The following PIGL variants were observed in gnomAD, a reference collection of about 807,000 sequenced individuals.
The protein encoded by PIGL is N-acetylglucosaminyl-phosphatidylinositol de-N-acetylase.
A neutral mutation model predicts 31.1 loss-of-function variants in PIGL; 22 were observed. That is an observed-to-expected ratio of 0.71 (90% CI 0.51 to 1.01). The LOEUF is 1.01. PIGL is among the 50% of genes least tolerant of loss of function. The pLI, the probability that PIGL is intolerant of heterozygous loss-of-function variation, is 0.00. For synonymous variants in PIGL, 131 were observed against 117.4 expected, an observed-to-expected ratio of 1.12 and a Z score of -0.75; for missense variants, 302 against 315.9, an observed-to-expected ratio of 0.96 and a Z score of 0.33.
chr17:16,217,265 C>G lies in PIGL; in HGVS notation c.39C>G (p.Val13=), dbSNP rs1328857845. ...AMWLLCVALA[V]LAWGFLWVWD... ...GGCTCCTGTGTGTGGCGTTGGCGGT[C>G]TTGGCATGGGGCTTCCTCTGGGTTT... is the stretch of plus-strand genomic sequence containing the variant. The change falls in exon 1 of 7, where the codon GTC becomes GTG. Residue 13 remains valine, a synonymous_variant. Coordinates refer to ENST00000225609, the MANE Select transcript of PIGL (RefSeq NM_004278.4). 6.2e-7 allele frequency: 1 copy of G among 1,614,050 alleles called. No individual in the cohort carries two copies. Among genetic ancestry groups the G allele is most frequent in the African/African-American group, 1.3e-5 (1 of 74,932 alleles).
chr17:16,219,801 G>A (rs980133403), intron 1 of PIGL, among the ~76,000 whole-genome samples: 1 of 151,760 alleles, frequency 6.6e-6, no homozygotes, highest in African/African-American at 2.4e-5. Context: ...CCTGACAAGT[G>A]ATCCACCCAC....
intron 2 of PIGL, among the ~76,000 whole-genome samples, chr17:16,299,275 C>A (rs1188332064): frequency 6.7e-6 from 1 of 148,658 alleles, no homozygotes; most frequent in Non-Finnish European, 1.5e-5. Context: ...GCCAACATGG[C>A]GAAACCCCAT....
At chr17:16,265,520 A>G (rs2092838475) in intron 2 of PIGL, among the ~76,000 whole-genome samples, 2 of 152,058 alleles carry the variant, frequency 1.3e-5, no homozygotes, top group East Asian at 1.9e-4. Flanking sequence ...AGGTGGGCAG[A>G]TCATGAGGTG....
intron 2 of PIGL, among the ~76,000 whole-genome samples, chr17:16,255,017 C>G (rs2092788224): frequency 6.6e-6 from 1 of 152,226 alleles, no homozygotes; most frequent in Non-Finnish European, 1.5e-5. Flanking sequence ...CATAAACTCT[C>G]TTCCTGTGAC....
intron 2 of PIGL, among the ~76,000 whole-genome samples, chr17:16,276,504 G>A (rs541967565): frequency 4.6e-5 from 7 of 152,290 alleles, no homozygotes; most frequent in East Asian, 1.9e-4. Flanking sequence ...AGGCCAAGGC[G>A]GGTGGATCAC....
intron 2 of PIGL, among the ~76,000 whole-genome samples, chr17:16,293,076 T>A (rs2092967571): frequency 6.6e-6 from 1 of 152,168 alleles, no homozygotes; most frequent in African/African-American, 2.4e-5. Flanking sequence ...ACTCAGATAG[T>A]TAGTCTAAAA....
intron 1 of PIGL, among the ~76,000 whole-genome samples, chr17:16,228,354 A>C (rs1329286159): frequency 6.6e-6 from 1 of 151,466 alleles, no homozygotes; most frequent in Non-Finnish European, 1.5e-5. Context: ...CACTGCGCCC[A>C]GCGATTTTAT....
rs1064795400 is a variant in PIGL, at chr17:16,233,997, C to G, written c.262C>G (p.Arg88Gly). 6.2e-7 allele frequency: 1 copy of G among 1,607,866 alleles called. No individual in the cohort carries two copies. ...AAATTACTACAATCAAGGAGAGACT[C>G]GTAAGAAAGAACTTTTGCAGAGCTG... The part of the protein sequence containing the change: ...AGNYYNQGET[R>G]KKELLQSCDV... The change falls in exon 2 of 7, where the codon CGT (arginine) becomes GGT (glycine). Residue 88 changes from arginine to glycine, a missense_variant. By Grantham distance (125) the Arg-to-Gly change is moderately radical (BLOSUM62 -2). Transcript: ENST00000225609.
At chr17:16,223,822 C>T (rs763814725) in intron 1 of PIGL, among the ~76,000 whole-genome samples, 5 of 152,134 alleles carry the variant, frequency 3.3e-5, no homozygotes, top group Non-Finnish European at 5.9e-5. Context: ...CCTTTCTTCT[C>T]TAGACTGCAC....
chr17:16,291,614 C>T (rs1457919287), intron 2 of PIGL, among the ~76,000 whole-genome samples: 1 of 151,630 alleles, frequency 6.6e-6, no homozygotes, highest in Non-Finnish European at 1.5e-5. Context: ...ACCTGTAATC[C>T]CAGCACTTTG....
chr17:16,261,778 A>AT (rs1446024795), intron 2 of PIGL, among the ~76,000 whole-genome samples: 7 of 151,874 alleles, frequency 4.6e-5, no homozygotes, highest in African/African-American at 9.7e-5. Flanking sequence ...ATTTTTTTGT[A>AT]TTTTTTGTAG....
chr17:16,226,529 C>T (rs1568777721), intron 1 of PIGL, among the ~76,000 whole-genome samples: 2 of 152,130 alleles, frequency 1.3e-5, no homozygotes, highest in Admixed American at 6.6e-5. Context: ...AATTAGATTC[C>T]ACCTCCTAAA....
At chr17:16,286,153 G>T (rs1046094466) in intron 2 of PIGL, among the ~76,000 whole-genome samples, 3 of 152,208 alleles carry the variant, frequency 2.0e-5, no homozygotes, top group Non-Finnish European at 4.4e-5. Context: ...TCCGGCTTGC[G>T]CTGTACAAGC....
chr17:16,231,294 G>C (rs1402073395), intron 1 of PIGL, among the ~76,000 whole-genome samples: 1 of 150,008 alleles, frequency 6.7e-6, no homozygotes, highest in Non-Finnish European at 1.5e-5. Context: ...TAGTGCAGTG[G>C]TGTGGTCATG....
At chr17:16,260,622 C>T (rs1423530912) in intron 2 of PIGL, among the ~76,000 whole-genome samples, 2 of 152,330 alleles carry the variant, frequency 1.3e-5, no homozygotes, top group Non-Finnish European at 2.9e-5. Flanking sequence ...GAGCTACTCA[C>T]TGCAGGTCTC....
At chr17:16,307,164 C>G (rs2093029818) in intron 3 of PIGL, among the ~76,000 whole-genome samples, 1 of 152,220 alleles carries the variant, frequency 6.6e-6, no homozygotes, top group Non-Finnish European at 1.5e-5. Flanking sequence ...TAAACTGGTG[C>G]TGACTCTTCA....
intron 6 of PIGL, among the ~76,000 whole-genome samples, chr17:16,324,002 G>A (rs2093116932): frequency 6.6e-6 from 1 of 151,750 alleles, no homozygotes; most frequent in Non-Finnish European, 1.5e-5. Flanking sequence ...TGTTGCCCAG[G>A]CTGGAGTGCG....
chr17:16,281,960 A>G lies in PIGL; in HGVS notation c.336-17928A>G, dbSNP rs905406999. On this transcript the variant is annotated intron_variant, in intron 2 of 6. Transcript: ENST00000225609. ...AAGACCCATCCTCAGACATTCTGCTATTGCCCCCAGACAATGGAAGGGGGG... is the reference window on the plus strand; with the variant it reads ...AAGACCCATCCTCAGACATTCTGCTGTTGCCCCCAGACAATGGAAGGGGGG... 3 of 456,540 alleles carry G rather than the reference A, an allele frequency of 6.6e-6. No homozygotes were observed. The Admixed American group carries it at 6.9e-5, about 11-fold the overall frequency. The allele number at this position is 456,540 out of a possible 1,614,324, so 28.3% of individuals were successfully genotyped here. A position where few individuals can be genotyped will look rare whatever the true frequency, so the allele number is the denominator to read the frequency against.
chr17:16,273,453 C>T (rs936560333), intron 2 of PIGL, among the ~76,000 whole-genome samples: 7 of 152,106 alleles, frequency 4.6e-5, no homozygotes, highest in African/African-American at 7.2e-5. Flanking sequence ...CTTTGAAGTA[C>T]GTCAAAATGG....
Sources: allele counts gnomAD v4.1 joint callset (sites outside exome capture counted in the v4.1 genomes callset), GRCh38; gene constraint gnomAD v4.1.1; transcripts MANE v1.5; gene names NCBI Gene and HGNC (gene_info 2026-07-23, HGNC 2026-07-21).